PLEKHA7: variants seen among roughly 807,000 people sequenced by gnomAD.
PLEKHA7 encodes the protein pleckstrin homology domain-containing family A member 7.
In PLEKHA7, 104 loss-of-function variants were observed where a neutral mutation model predicts 170.0. The ratio of observed to expected loss-of-function variants is 0.61; its 90% CI spans 0.52 to 0.72. The LOEUF (loss-of-function observed/expected upper bound fraction) is 0.72, where lower values mean the gene tolerates loss of function less well. PLEKHA7 is among the 30% of genes least tolerant of loss of function. The probability of loss-of-function intolerance (pLI) is 0.00; values close to 1 mark genes in which losing one functional copy is unlikely to be tolerated. For missense variants in PLEKHA7, 1,615 were observed against 1,671.7 expected, an observed-to-expected ratio of 0.97 and a Z score of 0.59; for synonymous variants, 648 against 660.8, an observed-to-expected ratio of 0.98 and a Z score of 0.30.
chr11:16,871,325 C>G (rs1379784687), intron 3 of PLEKHA7, 143 bp from the exon 4 acceptor site: 1 of 621,106 alleles, frequency 1.6e-6, no homozygotes, highest in Non-Finnish European at 2.9e-6. Context: ...CTGAGACACA[C>G]TTAGTCTGTC....
At chr11:16,822,887 T>C (rs1383667069) in intron 10 of PLEKHA7, among the ~76,000 whole-genome samples, 2 of 152,184 alleles carry the variant, frequency 1.3e-5, no homozygotes, top group Non-Finnish European at 1.5e-5. Flanking sequence ...CCTCACCAAA[T>C]GTTAAAACTC....
At chr11:16,825,400 CCT>C (rs1423084040) in intron 10 of PLEKHA7, among the ~76,000 whole-genome samples, 1 of 152,212 alleles carries the variant, frequency 6.6e-6, no homozygotes, top group South Asian at 2.1e-4. Flanking sequence ...TTTGCTATCT[CCT>C]CTTTTGTCAG....
intron 17 of PLEKHA7, among the ~76,000 whole-genome samples, chr11:16,800,337 C>CACTG (rs1848510180): frequency 2.0e-5 from 3 of 152,212 alleles, no homozygotes; most frequent in Admixed American, 2.0e-4. Flanking sequence ...CAGGGCCTTT[C>CACTG]ACTGTCTCAC....
chr11:16,856,030 T>C (rs1853422961), intron 4 of PLEKHA7, 116 bp from the exon 5 acceptor site: 2 of 814,214 alleles, frequency 2.5e-6, no homozygotes, highest in East Asian at 2.5e-5. Context: ...CCAACCCTGA[T>C]TGTTTGGAGG....
intron 3 of PLEKHA7, among the ~76,000 whole-genome samples, chr11:17,006,260 G>T (rs904908291): frequency 1.3e-5 from 2 of 150,010 alleles, no homozygotes; most frequent in Non-Finnish European, 3.0e-5. Context: ...CAAGGGAAGC[G>T]GAGGTTGCAG....
chr11:16,976,893 G>T (rs1863102323), intron 3 of PLEKHA7, among the ~76,000 whole-genome samples: 1 of 152,120 alleles, frequency 6.6e-6, no homozygotes, highest in Non-Finnish European at 1.5e-5. Flanking sequence ...TTGCTGAATG[G>T]ATGCATACAC....
intron 3 of PLEKHA7, among the ~76,000 whole-genome samples, chr11:16,927,720 T>G (rs144688833): frequency 0.013 from 1,918 of 152,374 alleles, 13 homozygotes; most frequent in Non-Finnish European, 0.019. Flanking sequence ...GCTCATATCC[T>G]GTGAACCATC....
chr11:16,969,690 G>C (rs1269198634), intron 3 of PLEKHA7, among the ~76,000 whole-genome samples: 1 of 152,156 alleles, frequency 6.6e-6, no homozygotes, highest in Non-Finnish European at 1.5e-5. Flanking sequence ...TATAGCTCCT[G>C]GGAGAGTGAG....
intron 4 of PLEKHA7, among the ~76,000 whole-genome samples, chr11:16,860,156 C>T (rs1853822073): frequency 6.6e-6 from 1 of 152,188 alleles, no homozygotes; most frequent in African/African-American, 2.4e-5. Flanking sequence ...TGGAAAGTGA[C>T]TTGATTTTCC....
chr11:16,805,557 C>T (rs1192055389), intron 13 of PLEKHA7, among the ~76,000 whole-genome samples: 1 of 151,774 alleles, frequency 6.6e-6, no homozygotes, highest in Non-Finnish European at 1.5e-5. Context: ...TTTGGGAGGC[C>T]AAGGCGGGTG....
At chr11:16,935,784 G>T (rs966157450) in intron 3 of PLEKHA7, among the ~76,000 whole-genome samples, 1 of 152,168 alleles carries the variant, frequency 6.6e-6, no homozygotes, top group African/African-American at 2.4e-5. Flanking sequence ...TCATTCTCAA[G>T]GGACCAAAGA....
rs1339231216 is a variant in PLEKHA7 at position 16,803,308 on chromosome 11, C to A, written c.2008-13G>T. On this transcript the variant is annotated splice_polypyrimidine_tract_variant and intron_variant, in intron 13 of 26. Transcript: ENST00000531066. ...CCCGGCCTGTCATCTGGGAGGCGAA[C>A]AATTTAAAAGAGATTTAACCATGGT... The A allele has an allele frequency of 6.2e-7, 1 of 1,608,290 alleles. No individual in the cohort carries two copies. The highest frequency in any genetic ancestry group is 8.5e-7 in the Non-Finnish European group (1 of 1,174,804).
intron 25 of PLEKHA7, 24 bp downstream of exon 25, chr11:16,783,676 A>G (rs1013302368): frequency 7.2e-7 from 1 of 1,389,602 alleles, no homozygotes; most frequent in East Asian, 2.9e-5. Context: ...TGACCTGCCA[A>G]CACTTGAGCA....
intron 3 of PLEKHA7, among the ~76,000 whole-genome samples, chr11:17,006,429 C>T (rs925914744): frequency 6.6e-6 from 1 of 151,084 alleles, no homozygotes; most frequent in Non-Finnish European, 1.5e-5. Context: ...GAGTTCAAGG[C>T]CAGCTTGGCT....
intron 3 of PLEKHA7, among the ~76,000 whole-genome samples, chr11:16,925,181 C>A (rs1427161776): frequency 1.3e-5 from 2 of 152,222 alleles, no homozygotes; most frequent in Non-Finnish European, 1.5e-5. Context: ...GCCGTGGGGT[C>A]CCCAACCACA....
intron 3 of PLEKHA7, among the ~76,000 whole-genome samples, chr11:16,885,240 G>A (rs1233038760): frequency 6.6e-6 from 1 of 151,642 alleles, no homozygotes; most frequent in Non-Finnish European, 1.5e-5. Flanking sequence ...TGAGGAAGGA[G>A]ACTCACTTGA....
chr11:16,947,589 TAA>T (rs79807953), intron 3 of PLEKHA7, among the ~76,000 whole-genome samples: 21 of 107,852 alleles, frequency 1.9e-4, no homozygotes, highest in Admixed American at 2.0e-4. Context: ...AGACTCCACC[TAA>T]AAAAAAAAAA....
intron 4 of PLEKHA7, among the ~76,000 whole-genome samples, chr11:16,870,540 G>A (rs1854746302): frequency 6.6e-6 from 1 of 151,502 alleles, no homozygotes; most frequent in African/African-American, 2.4e-5. Context: ...GAGACAGGAG[G>A]ACTGCTTGAG....
chr11:16,901,952 A>G (rs1046680548), intron 3 of PLEKHA7, among the ~76,000 whole-genome samples: 1 of 152,158 alleles, frequency 6.6e-6, no homozygotes, highest in Admixed American at 6.5e-5. Context: ...TCAAATTTAA[A>G]ACATTTCATT....
Sources: gnomAD v4.1 joint callset for allele counts (sites outside exome capture counted in the v4.1 genomes callset) on GRCh38, gnomAD v4.1.1 for gene constraint, MANE v1.5 for transcripts, NCBI Gene and HGNC (gene_info 2026-07-23, HGNC 2026-07-21) for gene names.